C19orf47: variants seen among roughly 807,000 people sequenced by gnomAD.
C19orf47 encodes uncharacterized protein C19orf47.
Under a neutral mutation model 32.3 loss-of-function variants are expected in C19orf47, and 18 were observed. The observed-to-expected ratio is 0.56, with a 90% confidence interval of 0.39 to 0.83. The LOEUF (loss-of-function observed/expected upper bound fraction) is 0.83. Among genes scored for constraint, C19orf47 ranks in the 40% least tolerant of loss-of-function variants. C19orf47 has a pLI of 0.00. For missense variants in C19orf47, 484 were observed against 531.6 expected (o/e 0.91, Z 0.88); for synonymous variants, 202 against 211.1 (o/e 0.96, Z 0.37).
At chr19:40,337,620 A>G (rs2078091284) in intron 2 of C19orf47, among the ~76,000 whole-genome samples, 1 of 152,214 alleles carries the variant, frequency 6.6e-6, no homozygotes. Flanking sequence ...TTAGATTAGA[A>G]GAAATCTGTT....
intron 8 of C19orf47, among the ~76,000 whole-genome samples, chr19:40,323,552 C>T (rs1226047393): frequency 6.6e-6 from 1 of 152,190 alleles, no homozygotes; most frequent in East Asian, 1.9e-4. Flanking sequence ...GTGGGCCGCA[C>T]ACACTGCTGC....
At chr19:40,294,383 C>T in the C19orf47 span, among the ~76,000 whole-genome samples, 3 of 151,818 alleles carry the variant, frequency 2.0e-5, no homozygotes, top group Non-Finnish European at 2.9e-5. Flanking sequence ...AAAATGTGTG[C>T]GAACTAGTTC....
At chr19:40,327,800 G>T (rs1373425285) in intron 6 of C19orf47, among the ~76,000 whole-genome samples, 2 of 152,182 alleles carry the variant, frequency 1.3e-5, no homozygotes, top group Non-Finnish European at 2.9e-5. Context: ...CTCAGGCCAA[G>T]GGGTCACCAG....
rs2077718567 is a variant in C19orf47, at chr19:40,321,582, G to T, written c.*300C>A. 1 of 1,167,126 alleles carries T rather than the reference G, an allele frequency of 8.6e-7. No homozygotes were observed. 72.3% of individuals were successfully genotyped at this position (1,167,126 alleles called of 1,614,324 possible). A position where few individuals can be genotyped will look rare whatever the true frequency, so the allele number is the denominator to read the frequency against. On this transcript the variant is annotated 3_prime_UTR_variant, in exon 9 of 9. Transcript: ENST00000683109. ...GAAGAAGGGGAATGTAGGAGAGGAA[G>T]AAGCCCCCTGGCACTTGGGAGAGGT...
At chr19:40,334,408 C>A (rs2078017484) in intron 4 of C19orf47, among the ~76,000 whole-genome samples, 1 of 152,056 alleles carries the variant, frequency 6.6e-6, no homozygotes, top group African/African-American at 2.4e-5. Flanking sequence ...GTGATTGTAC[C>A]ACTGCATTCT....
chr19:40,321,573 G>A lies in C19orf47; in HGVS notation c.*309C>T, dbSNP rs1438647435. On this transcript the variant is annotated 3_prime_UTR_variant, in exon 9 of 9. Coordinates refer to ENST00000683109, the MANE Select transcript of C19orf47 (RefSeq NM_001256441.2). ...TGCTCAGGGGAAGAAGGGGAATGTAGGAGAGGAAGAAGCCCCCTGGCACTT... is the reference window on the plus strand; with the variant it reads ...TGCTCAGGGGAAGAAGGGGAATGTAAGAGAGGAAGAAGCCCCCTGGCACTT... The A allele has an allele frequency of 2.1e-5, 24 of 1,148,080 alleles. No homozygotes were observed. The East Asian group carries it at 1.0e-3, about 50-fold the overall frequency. 71.1% of individuals were successfully genotyped at this position (1,148,080 alleles called of 1,614,324 possible). A position where few individuals can be genotyped will look rare whatever the true frequency, so the allele number is the denominator to read the frequency against.
intron 2 of C19orf47, among the ~76,000 whole-genome samples, chr19:40,336,902 C>T (rs536144470): frequency 6.6e-6 from 1 of 152,092 alleles, no homozygotes; most frequent in Admixed American, 6.6e-5. Flanking sequence ...GGCAAGCCCC[C>T]ACCCGCCACA....
intron 7 of C19orf47, 109 bp from the exon 8 acceptor site, chr19:40,324,185 G>A (rs1265329987): frequency 1.9e-6 from 2 of 1,054,614 alleles, no homozygotes; most frequent in Admixed American, 1.8e-5. Flanking sequence ...GGGACAGGCA[G>A]GGCCAGACTG....
At chr19:40,308,914 T>TA in the C19orf47 span, among the ~76,000 whole-genome samples, 1 of 151,970 alleles carries the variant, frequency 6.6e-6, no homozygotes, top group Non-Finnish European at 1.5e-5. Context: ...TACAAAAAAT[T>TA]AAAAAATTAG....
At chr19:40,296,188 C>T in the C19orf47 span, among the ~76,000 whole-genome samples, 3 of 152,322 alleles carry the variant, frequency 2.0e-5, 1 homozygote, top group South Asian at 6.2e-4. Flanking sequence ...CTACTATATA[C>T]CTAGGCTATA....
At chr19:40,303,948 G>A in the C19orf47 span, among the ~76,000 whole-genome samples, 1 of 151,796 alleles carries the variant, frequency 6.6e-6, no homozygotes, top group Non-Finnish European at 1.5e-5. Context: ...ATGTCAATTG[G>A]CTGCCCTCCA....
the C19orf47 span, among the ~76,000 whole-genome samples, chr19:40,304,945 T>C: frequency 2.6e-5 from 4 of 152,152 alleles, no homozygotes; most frequent in African/African-American, 7.2e-5. Context: ...GTTTACCGAG[T>C]TGGCCAGGCA....
At chr19:40,315,764 A>T (rs1021512451), downstream of C19orf47, among the ~76,000 whole-genome samples, 10 of 151,054 alleles carry the variant, frequency 6.6e-5, no homozygotes, top group African/African-American at 2.4e-4. Flanking sequence ...TGGGCGAGAG[A>T]GTGACACTCC....
Position 40,326,491 on chromosome 19 carries a change from G to C in C19orf47, c.440-5C>G. ...CCTCCCGGCGGGCCAGGGCTGCTGG[G>C]GGAAGAAAGCAGGGGTATCAGCACT... On this transcript the variant is annotated splice_polypyrimidine_tract_variant and splice_region_variant and intron_variant, in intron 6 of 8. Coordinates refer to ENST00000683109, the MANE Select transcript of C19orf47 (RefSeq NM_001256441.2). The C allele has an allele frequency of 6.2e-7, 1 of 1,611,758 alleles. No individual in the cohort carries two copies.
At chr19:40,297,896 G>C in the C19orf47 span, among the ~76,000 whole-genome samples, 1 of 151,120 alleles carries the variant, frequency 6.6e-6, no homozygotes, top group Non-Finnish European at 1.5e-5. Flanking sequence ...AAATAGCCGG[G>C]TTTGGTGGTG....
At position 40,336,346 on chromosome 19, in the gene C19orf47, A is replaced by G. The variant is rs755655901; in HGVS notation, c.81T>C (p.Asn27=). The G allele has an allele frequency of 1.9e-6, 3 of 1,614,076 alleles. No homozygotes were observed. In the African/African-American group the frequency reaches 4.0e-5, roughly 22 times the overall value. ...EAGIPPGPAV[N]YAVMFVDNRI... ...TATTATCCACAAACATCACGGCATA[A>G]TTGACGGCAGGTCCTGGAGGAATGC... is the stretch of plus-strand genomic sequence containing the variant. Residue 27 remains asparagine, a synonymous_variant, in exon 3 of 9, where the codon AAT becomes AAC. Transcript: ENST00000683109.
chr19:40,311,003 C>G, the C19orf47 span, among the ~76,000 whole-genome samples: 1 of 152,060 alleles, frequency 6.6e-6, no homozygotes, highest in East Asian at 1.9e-4. Flanking sequence ...TTTGGAAGGC[C>G]GAGGTGAGCG....
the C19orf47 span, among the ~76,000 whole-genome samples, chr19:40,307,189 C>T: frequency 5.8e-5 from 8 of 138,080 alleles, no homozygotes; most frequent in South Asian, 9.6e-4. Flanking sequence ...TCTGCCTCCC[C>T]GGTTCAAGTG....
At chr19:40,336,018 T>G (rs1164021405) in intron 4 of C19orf47, 92 bp downstream of exon 4, 1 of 1,172,904 alleles carries the variant, frequency 8.5e-7, no homozygotes, top group East Asian at 2.5e-5. Context: ...TGGGTCGGCC[T>G]GCCTCTGCTG....
Sources: gnomAD v4.1 joint callset for allele counts (sites outside exome capture counted in the v4.1 genomes callset) on GRCh38, gnomAD v4.1.1 for gene constraint, MANE v1.5 for transcripts, NCBI Gene and HGNC (gene_info 2026-07-23, HGNC 2026-07-21) for gene names.